The following ZNF385D variants were observed in gnomAD, a reference collection of about 807,000 sequenced individuals.
The protein encoded by ZNF385D is zinc finger protein 385D, also known as zinc finger protein 659.
ZNF385D carries 15 observed loss-of-function variants against 35.8 expected under a neutral mutation model. That is an observed-to-expected ratio of 0.42 (90% CI 0.28 to 0.64). The LOEUF is 0.64. Among genes scored for constraint, ZNF385D ranks in the 30% least tolerant of loss-of-function variants. The pLI is 0.23. For missense variants in ZNF385D, 474 were observed against 494.6 expected (o/e 0.96, Z 0.39); for synonymous variants, 212 against 186.8 (o/e 1.13, Z -1.10).
chr3:22,299,779 C>A (rs192595550), intron 2 of ZNF385D, among the ~76,000 whole-genome samples: 2 of 151,812 alleles, frequency 1.3e-5, no homozygotes, highest in African/African-American at 4.8e-5. Flanking sequence ...GACCTGTACA[C>A]TGAAAACTGT....
intron 3 of ZNF385D, among the ~76,000 whole-genome samples, chr3:22,157,351 A>G (rs918032057): frequency 6.6e-6 from 1 of 152,120 alleles, no homozygotes; most frequent in African/African-American, 2.4e-5. Flanking sequence ...CATCATTTAT[A>G]TTTTTGATAC....
intron 2 of ZNF385D, among the ~76,000 whole-genome samples, chr3:22,236,673 CT>C (rs1699201698): frequency 6.6e-6 from 1 of 152,160 alleles, no homozygotes; most frequent in Admixed American, 6.6e-5. Context: ...ATTTTCATCA[CT>C]ACAAAATGAA....
chr3:21,430,048 C>T (rs1701222769), intron 5 of ZNF385D, among the ~76,000 whole-genome samples: 1 of 152,078 alleles, frequency 6.6e-6, no homozygotes, highest in Non-Finnish European at 1.5e-5. Flanking sequence ...GCATCAAACG[C>T]TTCCATGTGT....
At chr3:21,542,507 C>G (rs1295773072) in intron 3 of ZNF385D, among the ~76,000 whole-genome samples, 1 of 152,024 alleles carries the variant, frequency 6.6e-6, no homozygotes, top group African/African-American at 2.4e-5. Context: ...ACCACCATGC[C>G]CGGCTAATTT....
intron 2 of ZNF385D, among the ~76,000 whole-genome samples, chr3:21,565,647 G>C (rs1360103715): frequency 6.6e-6 from 1 of 152,180 alleles, no homozygotes; most frequent in Non-Finnish European, 1.5e-5. Context: ...AGGATAGTCA[G>C]TCTGGGCGCA....
chr3:22,080,081 G>A (rs186271562), intron 3 of ZNF385D, among the ~76,000 whole-genome samples: 1 of 152,106 alleles, frequency 6.6e-6, no homozygotes, highest in Non-Finnish European at 1.5e-5. Context: ...AAAATGTTCA[G>A]GGATCGTTTT....
intron 2 of ZNF385D, among the ~76,000 whole-genome samples, chr3:22,354,877 C>T (rs562864600): frequency 1.3e-5 from 2 of 152,148 alleles, no homozygotes; most frequent in Non-Finnish European, 2.9e-5. Flanking sequence ...CTTAGCCACA[C>T]TAACCACATT....
intron 1 of ZNF385D, among the ~76,000 whole-genome samples, chr3:21,701,571 C>T (rs898939984): frequency 3.3e-5 from 5 of 152,116 alleles, no homozygotes; most frequent in East Asian, 3.9e-4. Context: ...TCATGCCTTC[C>T]CAACAGTCCC....
chr3:21,852,850 C>A (rs977303678), intron 3 of ZNF385D, among the ~76,000 whole-genome samples: 2 of 151,698 alleles, frequency 1.3e-5, no homozygotes, highest in African/African-American at 4.8e-5. Flanking sequence ...AAATTGTATT[C>A]AAAGAAATAA....
At chr3:22,255,040 A>G (rs1700244847) in intron 2 of ZNF385D, among the ~76,000 whole-genome samples, 1 of 151,908 alleles carries the variant, frequency 6.6e-6, no homozygotes, top group Admixed American at 6.6e-5. Flanking sequence ...CATGCAATTT[A>G]AAATCTATGT....
At chr3:22,168,926 T>C (rs1320115153) in exon 3 of ZNF385D, 1 of 985,890 alleles carries the variant, frequency 1.0e-6, no homozygotes, top group African/African-American at 1.7e-5. Flanking sequence ...GAATGTTACA[T>C]ACATTGCACA....
At chr3:22,194,310 T>C (rs1398108642) in intron 2 of ZNF385D, among the ~76,000 whole-genome samples, 1 of 151,816 alleles carries the variant, frequency 6.6e-6, no homozygotes, top group Admixed American at 6.6e-5. Context: ...AAACGCAAAC[T>C]ATATTTACCC....
chr3:21,732,030 GTTTTTTTTTTTTTTTTTTTTTTTT>G (rs1214143626), intron 1 of ZNF385D, among the ~76,000 whole-genome samples: 1 of 37,364 alleles, frequency 2.7e-5, no homozygotes, highest in Non-Finnish European at 5.6e-5. Flanking sequence ...TTTTTTCGGG[GTTTTTTTTTTTTTTTTTTTTTTTT>G]TTTTTTTTTT....
chr3:21,790,308 C>T (rs1341773692), intron 3 of ZNF385D, among the ~76,000 whole-genome samples: 1 of 151,666 alleles, frequency 6.6e-6, no homozygotes, highest in East Asian at 1.9e-4. Context: ...TCTCATCATA[C>T]TCCTGCTAAA....
chr3:21,443,044 C>T, intron 4 of ZNF385D: 1 of 823,728 alleles, frequency 1.2e-6, no homozygotes, highest in Non-Finnish European at 1.5e-6. Flanking sequence ...AGTCCCCCTG[C>T]TCTGAATTCC....
intron 2 of ZNF385D, among the ~76,000 whole-genome samples, chr3:22,300,423 AGAC>A (rs1240049471): frequency 1.3e-5 from 2 of 151,790 alleles, no homozygotes; most frequent in Admixed American, 1.3e-4. Flanking sequence ...CCAAAAGCAC[AGAC>A]AACAACAGGT....
At chr3:21,556,068 G>GTTTTTTTTTTT (rs148079775) in intron 3 of ZNF385D, among the ~76,000 whole-genome samples, 44 of 99,020 alleles carry the variant, frequency 4.4e-4, no homozygotes, top group Non-Finnish European at 5.5e-4. Context: ...TTTTGTTTTT[G>GTTTTTTTTTTT]TTTTTTTTTT....
At chr3:21,977,399 A>T (rs1479362039) in intron 3 of ZNF385D, among the ~76,000 whole-genome samples, 2 of 151,998 alleles carry the variant, frequency 1.3e-5, no homozygotes, top group Admixed American at 6.6e-5. Context: ...CAGCTAATAA[A>T]CTCCCTCTGA....
chr3:22,222,410 A>G (rs1410218997), intron 2 of ZNF385D, among the ~76,000 whole-genome samples: 1 of 152,234 alleles, frequency 6.6e-6, no homozygotes, highest in Non-Finnish European at 1.5e-5. Flanking sequence ...TATTTACTTT[A>G]TTAAAGAAAA....
Sources: gnomAD v4.1 joint callset for allele counts (sites outside exome capture counted in the v4.1 genomes callset) on GRCh38, gnomAD v4.1.1 for gene constraint, MANE v1.5 for transcripts, NCBI Gene and HGNC (gene_info 2026-07-23, HGNC 2026-07-21) for gene names.